Variants in LCA5 observed in about 807,000 individuals in gnomAD.
The protein encoded by LCA5 is lebercilin LCA5, also known as lebercilin.
LCA5 carries 37 observed loss-of-function variants against 53.0 expected under a neutral mutation model. That is an observed-to-expected ratio of 0.70 (90% confidence interval 0.54 to 0.92). LCA5 has a LOEUF of 0.92. Among genes scored for constraint, LCA5 ranks in the 40% least tolerant of loss-of-function variants. The pLI, the probability that LCA5 is intolerant of heterozygous loss-of-function variation, is 0.00. For synonymous variants in LCA5, 303 were observed against 282.9 expected, an observed-to-expected ratio of 1.07 and a Z score of -0.71; for missense variants, 806 against 790.5, an observed-to-expected ratio of 1.02 and a Z score of -0.23.
In LCA5 at chr6:79,489,137, A is replaced by G; in HGVS notation, c.1178T>C (p.Val393Ala). 5.0e-6 allele frequency: 8 copies of G among 1,613,294 alleles called. No homozygotes were observed. Among genetic ancestry groups the G allele is most frequent in the Non-Finnish European group, 6.8e-6 (8 of 1,179,772 alleles). The change falls in exon 7 of 8, where the codon GTT becomes GCT. Residue 393 changes from valine (V) to alanine (A), a missense_variant. Val to Ala is a moderately conservative substitution (Grantham distance 64). Transcript: ENST00000369846. ...NPIMEREEKF[V>A]TDEELHVVKQ... Reference sequence around the variant, plus strand: ...TACGACATGGAGTTCTTCATCTGTAACAAATTTTTCTTCTCTTTCCATAAT... The same window carrying G: ...TACGACATGGAGTTCTTCATCTGTAGCAAATTTTTCTTCTCTTTCCATAAT...
chr6:79,513,672 C>T lies in LCA5; in HGVS notation c.260G>A (p.Ser87Asn), dbSNP rs1766324840. The T allele has an allele frequency of 6.2e-7, 1 of 1,613,748 alleles. No individual in the cohort carries two copies. The highest frequency in any genetic ancestry group is 8.5e-7 in the Non-Finnish European group (1 of 1,179,796). ...KGVRVGFRSQ[S>N]LNREPLRKDT... ...TTTCCGAAGTGGCTCTCTATTGAGG[C>T]TCTGGGAGCGAAATCCCACTCGGAC... Residue 87 changes from serine to asparagine, a missense_variant, in exon 3 of 8, where the codon AGC (serine) becomes AAC (asparagine). By Grantham distance (46) the Ser-to-Asn change is conservative. Coordinates refer to ENST00000369846, the MANE Select transcript of LCA5 (RefSeq NM_001122769.3).
chr6:79,513,967 C>T (rs975307066), intron 2 of LCA5, among the ~76,000 whole-genome samples: 33 of 152,042 alleles, frequency 2.2e-4, no homozygotes, highest in Admixed American at 8.5e-4. Flanking sequence ...ATAGTTTATA[C>T]GGAATTATTC....
intron 3 of LCA5, among the ~76,000 whole-genome samples, chr6:79,497,437 T>C (rs1490455375): frequency 6.6e-6 from 1 of 152,186 alleles, no homozygotes; most frequent in African/African-American, 2.4e-5. Flanking sequence ...ACCTATTCAG[T>C]ATTCTCACCA....
chr6:79,496,926 A>C (rs958270713), intron 3 of LCA5, among the ~76,000 whole-genome samples: 1 of 152,308 alleles, frequency 6.6e-6, no homozygotes, highest in Non-Finnish European at 1.5e-5. Context: ...TTAATTCTTT[A>C]ATCCATCAGA....
intron 3 of LCA5, among the ~76,000 whole-genome samples, chr6:79,511,635 T>A (rs939992586): frequency 1.3e-5 from 2 of 152,188 alleles, no homozygotes; most frequent in Admixed American, 1.3e-4. Context: ...CTGAGTGCAG[T>A]TGATGAACTC....
At chr6:79,531,799 G>A (rs962998855) in intron 1 of LCA5, among the ~76,000 whole-genome samples, 3 of 151,890 alleles carry the variant, frequency 2.0e-5, no homozygotes, top group South Asian at 4.2e-4. Context: ...TTACTACCTC[G>A]CTGGCTGTCT....
Position 79,499,672 on chromosome 6 carries a change from T to A in LCA5, c.721-5922A>T, listed in dbSNP as rs879364688. Reference sequence around the variant, plus strand: ...GACTATGGATATTTTTGCCCCACTTTTTTTTTTCCTTTTTTTTAAATTTTA... The same window carrying A: ...GACTATGGATATTTTTGCCCCACTTATTTTTTTCCTTTTTTTTAAATTTTA... On this transcript the variant is annotated intron_variant, in intron 3 of 7. Transcript: ENST00000369846. Among the ~76,000 whole-genome samples, 3 of 151,892 alleles carry A rather than the reference T, an allele frequency of 2.0e-5. No homozygotes were observed. In the South Asian group the frequency reaches 6.2e-4, roughly 31 times the overall value.
chr6:79,530,625 T>C (rs1213065798), intron 1 of LCA5, among the ~76,000 whole-genome samples: 3 of 152,216 alleles, frequency 2.0e-5, no homozygotes, highest in South Asian at 4.1e-4. Context: ...GCGTAATACT[T>C]ATATCATCTC....
rs116268655 is a variant in LCA5, at chr6:79,528,687, T to C, written c.-192+8478A>G. 6.3e-3 allele frequency among the ~76,000 whole-genome samples: 962 copies of C among 152,270 alleles called. 8 individuals carry two copies. The highest frequency in any genetic ancestry group is 0.022 in the African/African-American group (921 of 41,544). On this transcript the variant is annotated intron_variant, in intron 1 of 7. Coordinates refer to ENST00000369846, the MANE Select transcript of LCA5 (RefSeq NM_001122769.3). ...CAGCACTCTTCTAGTGGTCAACTATTAATAAGAATGTGGATTAGATTAACT... is the reference window on the plus strand; with the variant it reads ...CAGCACTCTTCTAGTGGTCAACTATCAATAAGAATGTGGATTAGATTAACT...
At chr6:79,513,763 T>G (rs762957674) in intron 2 of LCA5, 22 bp from the exon 3 acceptor site, 1 of 1,610,836 alleles carries the variant, frequency 6.2e-7, no homozygotes, top group Non-Finnish European at 8.5e-7. Context: ...ACAGGAATAA[T>G]GTAAAGTGAA....
intron 1 of LCA5, among the ~76,000 whole-genome samples, chr6:79,535,592 C>T (rs531633408): frequency 2.6e-5 from 4 of 152,108 alleles, no homozygotes; most frequent in African/African-American, 7.2e-5. Context: ...AGCAGGACAG[C>T]TTTGGCAGGG....
rs185360156 is a variant in LCA5, at chr6:79,527,067, T to A, written c.-191-7982A>T. ...TTCCACTTCTAGCCTGGTGATTTGA[T>A]GCTGATTAAAACTTGGAAAGAAGAC... is the stretch of plus-strand genomic sequence containing the variant. On this transcript the variant is annotated intron_variant, in intron 1 of 7. Transcript: ENST00000369846. Among the ~76,000 whole-genome samples, 36 of 152,294 alleles carry A rather than the reference T, an allele frequency of 2.4e-4. 1 individual carries two copies. Among genetic ancestry groups the A allele is most frequent in the East Asian group, 1.7e-3 (9 of 5,170 alleles).
rs140662201 is a variant in LCA5 at position 79,503,232 on chromosome 6, A to G, written c.721-9482T>C. The stretch of plus-strand genomic sequence containing the variant: ...TAGAAGAAGGCAAATAACATCTCTC[A>G]GTTTCCTCAACAGTTCAATGTTTGA... On this transcript the variant is annotated intron_variant, in intron 3 of 7. Coordinates refer to ENST00000369846, the MANE Select transcript of LCA5 (RefSeq NM_001122769.3). 1.2e-3 allele frequency among the ~76,000 whole-genome samples: 189 copies of G among 152,262 alleles called. 1 individual carries two copies. Among genetic ancestry groups the G allele is most frequent in the African/African-American group, 4.5e-3 (186 of 41,540 alleles).
chr6:79,493,305 A>C (rs1208677845), intron 4 of LCA5, among the ~76,000 whole-genome samples: 1 of 152,168 alleles, frequency 6.6e-6, no homozygotes, highest in East Asian at 1.9e-4. Flanking sequence ...AAAACACTGA[A>C]TTATTCAACC....
intron 3 of LCA5, among the ~76,000 whole-genome samples, chr6:79,498,605 A>C (rs1770047403): frequency 6.6e-6 from 1 of 152,182 alleles, no homozygotes; most frequent in Admixed American, 6.5e-5. Flanking sequence ...ACTTAAACAT[A>C]TATTTCAGTA....
At chr6:79,516,154 T>C (rs1766431077) in intron 2 of LCA5, among the ~76,000 whole-genome samples, 2 of 151,810 alleles carry the variant, frequency 1.3e-5, no homozygotes. Flanking sequence ...TACTAGAAAA[T>C]ATAAAATTAC....
chr6:79,499,436 A>G (rs534687647), intron 3 of LCA5, among the ~76,000 whole-genome samples: 121 of 152,184 alleles, frequency 8.0e-4, no homozygotes, highest in African/African-American at 2.8e-3. Context: ...ATACAAGGAA[A>G]CTTCAGTTTA....
rs146071390 is a variant in LCA5 at position 79,501,085 on chromosome 6, A to C, written c.721-7335T>G. Among the ~76,000 whole-genome samples, 17 of 152,290 alleles carry C rather than the reference A, an allele frequency of 1.1e-4. No individual in the cohort carries two copies. In the East Asian group the frequency reaches 2.3e-3, roughly 21 times the overall value. On this transcript the variant is annotated intron_variant, in intron 3 of 7. Transcript: ENST00000369846. ...CAATTATAGGTTCATATACTTAAAA[A>C]ATTACGCTTTAACTTCAATTACTTT...
rs918048799 is a variant in LCA5, at chr6:79,525,569, G to A, written c.-191-6484C>T. On this transcript the variant is annotated intron_variant, in intron 1 of 7. Transcript: ENST00000369846. The stretch of plus-strand genomic sequence containing the variant: ...TCCCAGGGACTGGGCCCAAATGCAG[G>A]ACCTCAGGAAACTAATAATTAAAGG... 5.3e-5 allele frequency among the ~76,000 whole-genome samples: 8 copies of A among 152,258 alleles called. No individual in the cohort carries two copies. In the East Asian group the frequency reaches 1.5e-3, roughly 29 times the overall value.
Sources: gnomAD v4.1 joint callset for allele counts (sites outside exome capture counted in the v4.1 genomes callset) on GRCh38, gnomAD v4.1.1 for gene constraint, MANE v1.5 for transcripts, NCBI Gene and HGNC (gene_info 2026-07-23, HGNC 2026-07-21) for gene names.